Variants in JMJD1C observed in about 807,000 individuals in gnomAD.
JMJD1C encodes jumonji domain-containing protein 1C.
A neutral mutation model predicts 245.3 loss-of-function variants in JMJD1C; 31 were observed. That is an observed-to-expected ratio of 0.13 (90% CI 0.09 to 0.17). JMJD1C has a LOEUF of 0.17. Among genes scored for constraint, JMJD1C ranks in the 10% least tolerant of loss-of-function variants. The pLI is 1.00. For missense variants in JMJD1C, 2,691 were observed against 3,000.2 expected, an observed-to-expected ratio of 0.90 and a Z score of 2.41; for synonymous variants, 1,057 against 1,017.4, an observed-to-expected ratio of 1.04 and a Z score of -0.74.
intron 1 of JMJD1C, among the ~76,000 whole-genome samples, chr10:63,516,532 TA>T (rs1955023733): frequency 6.6e-6 from 1 of 152,218 alleles, no homozygotes; most frequent in Admixed American, 6.5e-5. Flanking sequence ...CTATTTTAAA[TA>T]AATAGTAAAA....
At chr10:63,182,780 T>A (rs972413322) in intron 22 of JMJD1C, among the ~76,000 whole-genome samples, 3 of 152,218 alleles carry the variant, frequency 2.0e-5, no homozygotes, top group Admixed American at 6.5e-5. Flanking sequence ...AAAAGAATGT[T>A]TGAGTCACAA....
intron 2 of JMJD1C, among the ~76,000 whole-genome samples, chr10:63,322,572 T>C (rs1941001937): frequency 6.6e-6 from 1 of 152,114 alleles, no homozygotes; most frequent in Non-Finnish European, 1.5e-5. Context: ...CCCAGCACTT[T>C]GGGAGGCCGA....
chr10:63,512,512 T>A (rs2133288021), intron 1 of JMJD1C, among the ~76,000 whole-genome samples: 1 of 152,302 alleles, frequency 6.6e-6, no homozygotes, highest in East Asian at 1.9e-4. Context: ...CACTAAATAT[T>A]TCACTATTCT....
chr10:63,255,321 GAAAACATAAATATTAGATTT>G (rs1289554850), intron 3 of JMJD1C, among the ~76,000 whole-genome samples: 1 of 152,030 alleles, frequency 6.6e-6, no homozygotes, highest in East Asian at 1.9e-4. Flanking sequence ...AATTTTAGTA[GAAAACATAAATATTAGATTT>G]AAAAGGTCTT....
In JMJD1C at chr10:63,226,147, C is replaced by T. The variant is rs576342156; in HGVS notation, c.448-6164G>A. On this transcript the variant is annotated intron_variant, in intron 3 of 25. Transcript: ENST00000399262. ...AGGCTGACTCAAAAGCAAAGAACAA[C>T]GGGTGGAAGATACCTTTCTATAAAC... Among the ~76,000 whole-genome samples the T allele has an allele frequency of 1.6e-4, 25 of 152,256 alleles. No individual in the cohort carries two copies. In the East Asian group the frequency reaches 2.7e-3, roughly 16 times the overall value.
At chr10:63,461,511 C>T (rs927969009) in intron 1 of JMJD1C, among the ~76,000 whole-genome samples, 1 of 152,016 alleles carries the variant, frequency 6.6e-6, no homozygotes, top group African/African-American at 2.4e-5. Context: ...TATTTATATG[C>T]GAAATCATAA....
At chr10:63,338,815 ACTTT>A (rs1437165378) in intron 2 of JMJD1C, among the ~76,000 whole-genome samples, 1 of 151,436 alleles carries the variant, frequency 6.6e-6, no homozygotes, top group Non-Finnish European at 1.5e-5. Flanking sequence ...TGCCCAGTTA[ACTTT>A]CTGTTTTTAG....
intron 3 of JMJD1C, among the ~76,000 whole-genome samples, chr10:63,256,240 A>G (rs766032875): frequency 5.9e-5 from 9 of 152,224 alleles, no homozygotes; most frequent in South Asian, 2.1e-4. Flanking sequence ...CTCCAAGGAT[A>G]CATTTTCAAC....
chr10:63,273,572 T>TA (rs1315946267), intron 2 of JMJD1C, among the ~76,000 whole-genome samples: 1 of 152,232 alleles, frequency 6.6e-6, no homozygotes, highest in East Asian at 1.9e-4. Flanking sequence ...TTTAGTCCTT[T>TA]AAATTGATTG....
chr10:63,286,090 G>C lies in JMJD1C; in HGVS notation c.334-21326C>G, dbSNP rs578026465. 1.5e-4 allele frequency among the ~76,000 whole-genome samples: 23 copies of C among 152,258 alleles called. No individual in the cohort carries two copies. In the South Asian group the frequency reaches 4.3e-3, roughly 29 times the overall value. The stretch of plus-strand genomic sequence containing the variant: ...AATCTGTGCTTTAACAAATTCTTAG[G>C]TCATTCTGATACACTATCAAGTTTG... On this transcript the variant is annotated intron_variant, in intron 2 of 25. Coordinates refer to ENST00000399262, the MANE Select transcript of JMJD1C (RefSeq NM_032776.3).
At chr10:63,176,495 A>C in intron 23 of JMJD1C, 22 bp from the exon 24 acceptor site, 1 of 1,571,108 alleles carries the variant, frequency 6.4e-7, no homozygotes, top group African/African-American at 1.4e-5. Flanking sequence ...ATTAAAATAG[A>C]CACTCCAATT....
rs567574337 is a variant in JMJD1C, at chr10:63,462,120, A to G, written c.168+3375T>C. On this transcript the variant is annotated intron_variant, in intron 1 of 25. Transcript: ENST00000399262. ...GAAAAAGGTTCACAATGTGCTGTAT[A>G]TATTTCAACTTCTTCAACAACTTGG... Among the ~76,000 whole-genome samples, 4 of 152,328 alleles carry G rather than the reference A, an allele frequency of 2.6e-5. No individual in the cohort carries two copies. In the East Asian group the frequency reaches 5.8e-4, roughly 22 times the overall value.
At chr10:63,242,497 G>A (rs1295195651) in intron 3 of JMJD1C, among the ~76,000 whole-genome samples, 1 of 152,164 alleles carries the variant, frequency 6.6e-6, no homozygotes, top group East Asian at 1.9e-4. Flanking sequence ...CAAGGTGGGT[G>A]GATCATCTGA....
intron 2 of JMJD1C, among the ~76,000 whole-genome samples, chr10:63,377,734 CA>C (rs935686527): frequency 1.1e-4 from 16 of 145,584 alleles, no homozygotes; most frequent in East Asian, 2.0e-4. Flanking sequence ...GACTCCGTCT[CA>C]AAAAAAAAAA....
chr10:63,184,210 T>C (rs1158839358), intron 21 of JMJD1C, among the ~76,000 whole-genome samples: 1 of 150,756 alleles, frequency 6.6e-6, no homozygotes, highest in Admixed American at 6.6e-5. Context: ...ATTACAGGCA[T>C]GGGCCACCAC....
intron 1 of JMJD1C, chr10:63,489,553 G>T: frequency 6.1e-6 from 1 of 164,718 alleles, no homozygotes. Flanking sequence ...GACGCATTAT[G>T]CTTTCAGAAA....
intron 1 of JMJD1C, among the ~76,000 whole-genome samples, chr10:63,413,613 G>A (rs2393971): frequency 0.2 from 30,671 of 152,040 alleles, 4,060 homozygotes; most frequent in Non-Finnish European, 0.29. Flanking sequence ...CTTTTCTTCC[G>A]TTTAGCTGAG....
intron 1 of JMJD1C, among the ~76,000 whole-genome samples, chr10:63,454,820 G>A (rs1032359499): frequency 2.6e-5 from 4 of 152,192 alleles, no homozygotes; most frequent in Non-Finnish European, 5.9e-5. Context: ...GAATATGGCT[G>A]ACTGTATCCT....
intron 1 of JMJD1C, chr10:63,427,633 GT>G: frequency 1.5e-6 from 2 of 1,358,206 alleles, no homozygotes; most frequent in Non-Finnish European, 2.1e-6. Flanking sequence ...GAAACAGTGT[GT>G]TTACTGTATG....
Sources: allele counts gnomAD v4.1 joint callset (sites outside exome capture counted in the v4.1 genomes callset), GRCh38; gene constraint gnomAD v4.1.1; transcripts MANE v1.5; gene names NCBI Gene and HGNC (gene_info 2026-07-23, HGNC 2026-07-21).